LRRC7: variants seen among roughly 807,000 people sequenced by gnomAD.
LRRC7 encodes the protein leucine rich repeat containing 7.
In LRRC7, 23 loss-of-function variants were observed where a neutral mutation model predicts 175.7. That is an observed-to-expected ratio of 0.13 (90% CI 0.09 to 0.19). LRRC7 has a LOEUF of 0.19. Among genes scored for constraint, LRRC7 ranks in the 10% least tolerant of loss-of-function variants. The probability of loss-of-function intolerance (pLI) is 1.00; values close to 1 mark genes in which losing one functional copy is unlikely to be tolerated. For synonymous variants in LRRC7, 685 were observed against 680.9 expected, an observed-to-expected ratio of 1.01 and a Z score of -0.09; for missense variants, 1,354 against 1,904.7, an observed-to-expected ratio of 0.71 and a Z score of 5.38.
In LRRC7 at chr1:70,038,611, C is replaced by T. The variant is rs151337146; in HGVS notation, c.2787C>T (p.Gly929=). ...AAATACCTAGTCCTTTTTCTCCAGG[C>T]GTACCATGGGAGTATCATGATTCCA... ...STEIPSPFSP[G]VPWEYHDSNP... The change falls in exon 21 of 27, where the codon GGC becomes GGT. Residue 929 remains glycine, a synonymous_variant. Transcript: ENST00000651989. 8.4e-5 allele frequency: 136 copies of T among 1,614,036 alleles called. No individual in the cohort carries two copies. The highest frequency in any genetic ancestry group is 1.1e-4 in the Non-Finnish European group (126 of 1,179,968).
chr1:69,916,227 T>C (rs1449714898), intron 7 of LRRC7, among the ~76,000 whole-genome samples: 1 of 65,846 alleles, frequency 1.5e-5, no homozygotes, highest in Non-Finnish European at 3.5e-5. Flanking sequence ...TTATGTATAA[T>C]ATAAATATAT....
intron 11 of LRRC7, among the ~76,000 whole-genome samples, chr1:70,004,993 T>C (rs1256686060): frequency 6.6e-6 from 1 of 152,106 alleles, no homozygotes; most frequent in Non-Finnish European, 1.5e-5. Flanking sequence ...GGACAACTTT[T>C]ACACGCTTCA....
rs141126833 is a variant in LRRC7 at position 69,805,589 on chromosome 1, T to A, written c.421+13429T>A. ...TATCTGAAATGTGATCACTAGCACTTCTTTCACTTTAAGACTACCTTCCCT... is the reference window on the plus strand; with the variant it reads ...TATCTGAAATGTGATCACTAGCACTACTTTCACTTTAAGACTACCTTCCCT... On this transcript the variant is annotated intron_variant, in intron 4 of 26. Transcript: ENST00000651989. Among the ~76,000 whole-genome samples the A allele has an allele frequency of 2.0e-5, 3 of 151,936 alleles. No individual in the cohort carries two copies. In the Admixed American group the frequency reaches 2.0e-4, roughly 10 times the overall value.
Position 69,694,582 on chromosome 1 carries a change from T to A in LRRC7, c.100+16104T>A, listed in dbSNP as rs566814728. Among the ~76,000 whole-genome samples, 3 of 152,302 alleles carry A rather than the reference T, an allele frequency of 2.0e-5. No individual in the cohort carries two copies. The South Asian group carries it at 6.2e-4, about 32-fold the overall frequency. ...CTTCCCTCCAAATTTCATGTTGAAA[T>A]CTGACCTTCAAAGTTAGAAGTGGGC... On this transcript the variant is annotated intron_variant, in intron 2 of 26. Transcript: ENST00000651989.
intron 7 of LRRC7, among the ~76,000 whole-genome samples, chr1:69,916,217 T>TATAA (rs1165784176): frequency 1.1e-5 from 1 of 88,436 alleles, no homozygotes; most frequent in African/African-American, 5.1e-5. Flanking sequence ...TAAAATTTTA[T>TATAA]TATGTATAAT....
chr1:69,960,037 T>C (rs1198555611), intron 8 of LRRC7, among the ~76,000 whole-genome samples: 1 of 152,074 alleles, frequency 6.6e-6, no homozygotes, highest in African/African-American at 2.4e-5. Context: ...TTTTGATTTT[T>C]TGGAATAGTT....
At chr1:69,728,246 T>TA (rs1422051997) in intron 2 of LRRC7, among the ~76,000 whole-genome samples, 1 of 152,022 alleles carries the variant, frequency 6.6e-6, no homozygotes. Context: ...CTCTCCCTAT[T>TA]AAAAAAATGG....
At chr1:70,085,747 T>C (rs1340070077) in intron 24 of LRRC7, among the ~76,000 whole-genome samples, 1 of 152,176 alleles carries the variant, frequency 6.6e-6, no homozygotes, top group East Asian at 1.9e-4. Context: ...TACTCTCTAC[T>C]ACCTTTCCTG....
At chr1:69,726,506 G>T (rs1349145728) in intron 2 of LRRC7, among the ~76,000 whole-genome samples, 3 of 152,178 alleles carry the variant, frequency 2.0e-5, no homozygotes, top group African/African-American at 7.2e-5. Flanking sequence ...AGAAGGTAGA[G>T]AGAATGGCTA....
intron 7 of LRRC7, among the ~76,000 whole-genome samples, chr1:69,870,852 A>G (rs1685459917): frequency 6.6e-6 from 1 of 152,120 alleles, no homozygotes; most frequent in African/African-American, 2.4e-5. Flanking sequence ...CTTTTGAAAC[A>G]CTTTAACATA....
chr1:69,954,141 G>A (rs539054043), intron 8 of LRRC7, among the ~76,000 whole-genome samples: 24 of 151,954 alleles, frequency 1.6e-4, no homozygotes, highest in Non-Finnish European at 2.6e-4. Context: ...TCCGTAAGGC[G>A]CAGAATTTTT....
chr1:70,082,974 G>A (rs1260326177), intron 24 of LRRC7, among the ~76,000 whole-genome samples: 4 of 151,050 alleles, frequency 2.6e-5, no homozygotes, highest in Non-Finnish European at 4.4e-5. Flanking sequence ...TAGTAGAGAT[G>A]GAGTTTCGCC....
intron 8 of LRRC7, among the ~76,000 whole-genome samples, chr1:69,948,642 C>T (rs964095040): frequency 3.9e-5 from 6 of 152,084 alleles, no homozygotes; most frequent in Non-Finnish European, 8.8e-5. Flanking sequence ...TTATAGCTTC[C>T]TCTGCACGAC....
At chr1:69,605,364 C>G (rs1221902070) in intron 1 of LRRC7, among the ~76,000 whole-genome samples, 1 of 152,154 alleles carries the variant, frequency 6.6e-6, no homozygotes, top group Non-Finnish European at 1.5e-5. Flanking sequence ...ATTACCTAGT[C>G]TGGGGTATAT....
intron 2 of LRRC7, among the ~76,000 whole-genome samples, chr1:69,748,624 A>G (rs1436227848): frequency 6.6e-6 from 1 of 152,198 alleles, no homozygotes. Flanking sequence ...ATGCCAAATC[A>G]TTGATCTTTG....
Position 70,144,051 on chromosome 1 carries a change from G to A in LRRC7, c.*22164G>A, listed in dbSNP as rs1667200839. ...CATTTTATGTGCAAAGAAGTCCTATGAATCTATATTTTAAATTTACTGAAC... is the reference window on the plus strand; with the variant it reads ...CATTTTATGTGCAAAGAAGTCCTATAAATCTATATTTTAAATTTACTGAAC... On this transcript the variant is annotated 3_prime_UTR_variant, in exon 27 of 27. Coordinates refer to ENST00000651989, the MANE Select transcript of LRRC7 (RefSeq NM_001370785.2). The A allele has an allele frequency of 1.3e-5, 2 of 152,084 alleles. No individual in the cohort carries two copies. The highest frequency in any genetic ancestry group is 2.9e-5 in the Non-Finnish European group (2 of 68,014). The allele number at this position is 152,084 out of a possible 1,614,324, so 9.4% of individuals were successfully genotyped here.
chr1:69,796,208 A>T (rs576202922), intron 4 of LRRC7, among the ~76,000 whole-genome samples: 1 of 144,190 alleles, frequency 6.9e-6, no homozygotes, highest in South Asian at 2.2e-4. Flanking sequence ...TATGAGTGAG[A>T]ACATGTAGTG....
intron 7 of LRRC7, among the ~76,000 whole-genome samples, chr1:69,840,100 C>G (rs1681561796): frequency 6.6e-6 from 1 of 151,890 alleles, no homozygotes; most frequent in Admixed American, 6.6e-5. Context: ...ACAGCTTTTA[C>G]ACTTTAAGAA....
chr1:69,731,821 G>C (rs1454799284), intron 2 of LRRC7, among the ~76,000 whole-genome samples: 2 of 152,132 alleles, frequency 1.3e-5, no homozygotes, highest in East Asian at 3.8e-4. Flanking sequence ...GTTCTGGGCA[G>C]TTTATAAGCA....
Sources: allele counts gnomAD v4.1 joint callset (sites outside exome capture counted in the v4.1 genomes callset), GRCh38; gene constraint gnomAD v4.1.1; transcripts MANE v1.5; gene names NCBI Gene and HGNC (gene_info 2026-07-23, HGNC 2026-07-21).